SLC35F1: variants seen among roughly 807,000 people sequenced by gnomAD.
The protein encoded by SLC35F1 is solute carrier family 35 member F1, also known as chromosome 6 open reading frame 169.
Under a neutral mutation model 48.7 loss-of-function variants are expected in SLC35F1, and 14 were observed. That is an observed-to-expected ratio of 0.29 (90% CI 0.19 to 0.45). The LOEUF is 0.45. SLC35F1 is among the 20% of genes least tolerant of loss of function. The pLI is 1.00. For missense variants in SLC35F1, 404 were observed against 500.0 expected (o/e 0.81, Z 1.83); for synonymous variants, 190 against 202.2 (o/e 0.94, Z 0.51).
chr6:117,920,673 C>T (rs1395492725), intron 1 of SLC35F1, among the ~76,000 whole-genome samples: 1 of 152,146 alleles, frequency 6.6e-6, no homozygotes, highest in East Asian at 1.9e-4. Flanking sequence ...ATATCAAGAA[C>T]ACAGTGCAGG....
chr6:118,202,041 A>G (rs1774879488), intron 2 of SLC35F1, among the ~76,000 whole-genome samples: 1 of 152,000 alleles, frequency 6.6e-6, no homozygotes, highest in African/African-American at 2.4e-5. Context: ...GTTTTGGAAA[A>G]TAAGAATAAT....
At chr6:118,280,869 C>CA (rs1554244230) in intron 6 of SLC35F1, among the ~76,000 whole-genome samples, 3,016 of 125,034 alleles carry the variant, frequency 0.024, 92 homozygotes, top group Admixed American at 0.091. Context: ...GAGTCTGTCC[C>CA]AAAAAAAAAA....
intron 1 of SLC35F1, among the ~76,000 whole-genome samples, chr6:118,103,497 A>T (rs906527353): frequency 4.6e-5 from 7 of 152,186 alleles, no homozygotes; most frequent in Admixed American, 3.3e-4. Flanking sequence ...CTCCCACTGG[A>T]TGTGCCCACC....
intron 2 of SLC35F1, among the ~76,000 whole-genome samples, chr6:118,191,414 T>C (rs544122257): frequency 1.3e-5 from 2 of 152,326 alleles, no homozygotes; most frequent in East Asian, 3.9e-4. Flanking sequence ...AAGAGTCTCA[T>C]GATTGTAGAG....
intron 2 of SLC35F1, among the ~76,000 whole-genome samples, chr6:118,206,557 G>A (rs1774937732): frequency 1.3e-5 from 2 of 152,174 alleles, no homozygotes; most frequent in Non-Finnish European, 2.9e-5. Flanking sequence ...ATTATGCTAA[G>A]CAAAGTTATA....
At chr6:118,166,649 T>C (rs1463739077) in intron 2 of SLC35F1, among the ~76,000 whole-genome samples, 1 of 152,218 alleles carries the variant, frequency 6.6e-6, no homozygotes, top group Non-Finnish European at 1.5e-5. Flanking sequence ...GGGCATAGCT[T>C]ATGTAAGTGA....
At chr6:117,923,154 A>G (rs915105103) in intron 1 of SLC35F1, among the ~76,000 whole-genome samples, 1 of 152,168 alleles carries the variant, frequency 6.6e-6, no homozygotes, top group Non-Finnish European at 1.5e-5. Flanking sequence ...AAAATCCGTG[A>G]TTATACATGA....
chr6:118,208,003 G>T (rs1349611553), intron 2 of SLC35F1, among the ~76,000 whole-genome samples: 1 of 152,204 alleles, frequency 6.6e-6, no homozygotes, highest in Non-Finnish European at 1.5e-5. Context: ...CTTGAAAAGG[G>T]CAATGCCTTC....
intron 2 of SLC35F1, among the ~76,000 whole-genome samples, chr6:118,200,937 G>A (rs535302040): frequency 1.3e-5 from 2 of 152,214 alleles, no homozygotes; most frequent in East Asian, 3.9e-4. Context: ...CCAAGCTGGA[G>A]TGCAATGACG....
intron 7 of SLC35F1, among the ~76,000 whole-genome samples, chr6:118,310,762 T>G (rs1582783013): frequency 1.3e-5 from 2 of 152,260 alleles, no homozygotes; most frequent in South Asian, 4.2e-4. Flanking sequence ...AGAAGTGCAT[T>G]AAAAATAAAC....
chr6:118,050,861 G>T (rs192715949), intron 1 of SLC35F1, among the ~76,000 whole-genome samples: 57 of 152,224 alleles, frequency 3.7e-4, no homozygotes, highest in Non-Finnish European at 6.5e-4. Context: ...TGTTGACCTT[G>T]ACTGGACAGA....
intron 1 of SLC35F1, among the ~76,000 whole-genome samples, chr6:117,968,020 CAGAG>C (rs1321688572): frequency 3.3e-5 from 5 of 152,026 alleles, no homozygotes; most frequent in Admixed American, 6.6e-5. Context: ...AAATAAATGA[CAGAG>C]AGATTAGCAT....
chr6:118,154,581 C>T lies in SLC35F1; in HGVS notation c.310C>T (p.Leu104Phe). ...CCAGAGTTTCCTCAATTACATTCTT[C>T]TCTTCTTGGTCTATACCACCACACT... ...VFQSFLNYIL[L>F]FLVYTTTLAV... The change falls in exon 2 of 8, where the codon CTC becomes TTC. Residue 104 changes from leucine to phenylalanine, a missense_variant. Physicochemically the swap from Leu to Phe is conservative, Grantham distance 22. Transcript: ENST00000360388. 6.2e-7 allele frequency: 1 copy of T among 1,613,988 alleles called. No homozygotes were observed. The highest frequency in any genetic ancestry group is 8.5e-7 in the Non-Finnish European group (1 of 1,179,930).
chr6:118,139,898 G>T (rs1773857800), intron 1 of SLC35F1, among the ~76,000 whole-genome samples: 1 of 152,072 alleles, frequency 6.6e-6, no homozygotes, highest in Non-Finnish European at 1.5e-5. Flanking sequence ...GTGGGGAGGA[G>T]GTAGGGAGCT....
chr6:117,923,697 A>ATATGTATATG (rs1562238811), intron 1 of SLC35F1, among the ~76,000 whole-genome samples: 7 of 97,320 alleles, frequency 7.2e-5, no homozygotes, highest in African/African-American at 2.4e-4. Flanking sequence ...ATATGTACAT[A>ATATGTATATG]TACATATATG....
chr6:117,967,917 TAG>T (rs749581687), intron 1 of SLC35F1, among the ~76,000 whole-genome samples: 1 of 152,158 alleles, frequency 6.6e-6, no homozygotes, highest in South Asian at 2.1e-4. Context: ...TAGGGAGAAA[TAG>T]AGAGATGGAT....
chr6:118,106,022 C>A (rs574487865), intron 1 of SLC35F1, among the ~76,000 whole-genome samples: 1 of 152,050 alleles, frequency 6.6e-6, no homozygotes, highest in Non-Finnish European at 1.5e-5. Flanking sequence ...CTCAGTTATC[C>A]CTCTGTACCT....
At chr6:117,938,530 G>T (rs1267901461) in intron 1 of SLC35F1, among the ~76,000 whole-genome samples, 1 of 152,154 alleles carries the variant, frequency 6.6e-6, no homozygotes, top group African/African-American at 2.4e-5. Flanking sequence ...CAGCCCACCT[G>T]CCCCCCTGAT....
chr6:117,998,849 C>T, intron 1 of SLC35F1: 2 of 569,856 alleles, frequency 3.5e-6, no homozygotes, highest in Non-Finnish European at 6.3e-6. Context: ...GACACCCTAA[C>T]ATCACAATTA....
Sources: gnomAD v4.1 joint callset for allele counts (sites outside exome capture counted in the v4.1 genomes callset) on GRCh38, gnomAD v4.1.1 for gene constraint, MANE v1.5 for transcripts, NCBI Gene and HGNC (gene_info 2026-07-23, HGNC 2026-07-21) for gene names.